BCAP29: variants seen among roughly 807,000 people sequenced by gnomAD.
BCAP29 encodes the protein B-cell receptor-associated protein 29.
BCAP29 carries 34 observed loss-of-function variants against 31.8 expected under a neutral mutation model. The observed-to-expected ratio is 1.07, with a 90% CI of 0.81 to 1.42. BCAP29 has a LOEUF of 1.42. Among genes scored for constraint, BCAP29 ranks in the 40% most tolerant of loss-of-function variants. The pLI, the probability that BCAP29 is intolerant of heterozygous loss-of-function variation, is 0.00. For missense variants in BCAP29, 314 were observed against 269.2 expected (o/e 1.17, Z -1.16); for synonymous variants, 104 against 91.3 (o/e 1.14, Z -0.79).
At chr7:107,605,995 A>C (rs574702656) in intron 6 of BCAP29, among the ~76,000 whole-genome samples, 1 of 152,218 alleles carries the variant, frequency 6.6e-6, no homozygotes, top group Non-Finnish European at 1.5e-5. Flanking sequence ...TCTTTTGCTT[A>C]ATGAAAAAGA....
At chr7:107,613,254 C>T (rs1396896756) in intron 6 of BCAP29, 78 bp from the exon 7 acceptor site, 13 of 1,025,902 alleles carry the variant, frequency 1.3e-5, no homozygotes, top group Non-Finnish European at 1.7e-5. Context: ...TACAGGAGTT[C>T]TCTATTTAAG....
At chr7:107,597,564 C>T (rs1467716068) in intron 5 of BCAP29, among the ~76,000 whole-genome samples, 1 of 152,164 alleles carries the variant, frequency 6.6e-6, no homozygotes, top group Non-Finnish European at 1.5e-5. Context: ...TGCTTCACAA[C>T]AAGGTTTTTA....
chr7:107,612,353 T>G (rs143802013), intron 6 of BCAP29, among the ~76,000 whole-genome samples: 23 of 146,182 alleles, frequency 1.6e-4, no homozygotes, highest in African/African-American at 5.3e-4. Flanking sequence ...CTCTTCTACA[T>G]ATTTTGCTCA....
In BCAP29 at chr7:107,594,043, G is replaced by A. The variant is rs894348431; in HGVS notation, c.282G>A (p.Gln94=). Residue 94 remains glutamine, a synonymous_variant, in exon 4 of 8, where the codon CAG becomes CAA. Transcript: ENST00000005259. ...GACCTGATGCCTATGAACACACACA[G>A]ATGAAACTTTTTAGGTCTCAAAGAA... is the stretch of plus-strand genomic sequence containing the variant. The part of the protein sequence containing the change: ...TSRPDAYEHT[Q]MKLFRSQRNL... 3 of 1,613,878 alleles carry A rather than the reference G, an allele frequency of 1.9e-6. No individual in the cohort carries two copies. Among genetic ancestry groups the A allele is most frequent in the Non-Finnish European group, 2.5e-6 (3 of 1,179,792 alleles).
Position 107,605,158 on chromosome 7 carries a change from G to T in BCAP29, c.589+4653G>T, listed in dbSNP as rs570152191. 3.3e-5 allele frequency among the ~76,000 whole-genome samples: 5 copies of T among 152,218 alleles called. No individual in the cohort carries two copies. In the South Asian group the frequency reaches 1.0e-3, roughly 32 times the overall value. ...TGTGAGCTTCTTATCTGTTATCAAG[G>T]CCTATACTCATAAACTATGTGTCTT... On this transcript the variant is annotated intron_variant, in intron 6 of 7. Coordinates refer to ENST00000005259, the MANE Select transcript of BCAP29 (RefSeq NM_018844.4).
At chr7:107,581,910 C>G (rs909164644) in intron 2 of BCAP29, among the ~76,000 whole-genome samples, 4 of 152,136 alleles carry the variant, frequency 2.6e-5, no homozygotes, top group Non-Finnish European at 5.9e-5. Flanking sequence ...CACCCATGTT[C>G]TATATATCAC....
intron 6 of BCAP29, among the ~76,000 whole-genome samples, chr7:107,604,313 T>G (rs1401151256): frequency 1.3e-5 from 2 of 152,164 alleles, no homozygotes; most frequent in African/African-American, 4.8e-5. Context: ...AGGGACCAGA[T>G]AGTGAAAAAT....
At chr7:107,608,689 A>C (rs1812603855) in intron 6 of BCAP29, among the ~76,000 whole-genome samples, 1 of 152,206 alleles carries the variant, frequency 6.6e-6, no homozygotes, top group African/African-American at 2.4e-5. Flanking sequence ...TTTCATCAAA[A>C]TATTTCAAGA....
In BCAP29 at chr7:107,600,344, G is replaced by A. The variant is rs562298815; in HGVS notation, c.481-53G>A. The A allele has an allele frequency of 3.8e-6, 4 of 1,046,120 alleles. No homozygotes were observed. The East Asian group carries it at 7.1e-5, about 19-fold the overall frequency. The allele number at this position is 1,046,120 out of a possible 1,614,324, so 64.8% of individuals were successfully genotyped here. On this transcript the variant is annotated intron_variant, in intron 5 of 7. Coordinates refer to ENST00000005259, the MANE Select transcript of BCAP29 (RefSeq NM_018844.4). ...TACTCAGCTTATTTTCTGTAAGAATGTCTGGCTATTGCAATCTAAGCTTAT... is the reference window on the plus strand; with the variant it reads ...TACTCAGCTTATTTTCTGTAAGAATATCTGGCTATTGCAATCTAAGCTTAT...
At chr7:107,594,424 G>C (rs1007704653) in intron 4 of BCAP29, among the ~76,000 whole-genome samples, 2 of 151,050 alleles carry the variant, frequency 1.3e-5, no homozygotes, top group African/African-American at 4.9e-5. Flanking sequence ...CTGGCCTCAA[G>C]TGATCCTCCC....
chr7:107,598,853 C>T (rs1810325469), intron 5 of BCAP29, among the ~76,000 whole-genome samples: 1 of 149,540 alleles, frequency 6.7e-6, no homozygotes, highest in Admixed American at 6.8e-5. Context: ...GAGAAGATTG[C>T]TTGAGGCCAG....
intron 3 of BCAP29, among the ~76,000 whole-genome samples, chr7:107,590,349 C>G (rs1346882073): frequency 6.6e-6 from 1 of 152,078 alleles, no homozygotes. Flanking sequence ...ACTTAAATAT[C>G]AAAGTCTTCC....
At chr7:107,609,223 C>G (rs1812692764) in intron 6 of BCAP29, among the ~76,000 whole-genome samples, 1 of 152,150 alleles carries the variant, frequency 6.6e-6, no homozygotes, top group Admixed American at 6.5e-5. Flanking sequence ...CTCAAGGCAA[C>G]TGGAGTGTAA....
chr7:107,588,858 G>A (rs893005467), intron 3 of BCAP29, among the ~76,000 whole-genome samples: 13 of 152,252 alleles, frequency 8.5e-5, no homozygotes, highest in Middle Eastern at 3.4e-3. Context: ...GGATGTGTAG[G>A]AAAGATTCCA....
intron 1 of BCAP29, 28 bp from the exon 2 acceptor site, chr7:107,580,731 A>C: frequency 6.7e-7 from 1 of 1,497,928 alleles, no homozygotes. Context: ...GAAAGGAAGC[A>C]AGAGAAAATA....
chr7:107,610,398 A>C (rs529967013), intron 6 of BCAP29, among the ~76,000 whole-genome samples: 1 of 152,326 alleles, frequency 6.6e-6, no homozygotes, highest in East Asian at 1.9e-4. Flanking sequence ...GCTGTTTCCA[A>C]AATAATATGC....
chr7:107,597,544 T>C (rs1810085854), intron 5 of BCAP29, among the ~76,000 whole-genome samples: 2 of 152,218 alleles, frequency 1.3e-5, no homozygotes, highest in African/African-American at 4.8e-5. Context: ...GTGCCAGGTA[T>C]TGCTTCATAT....
intron 4 of BCAP29, among the ~76,000 whole-genome samples, chr7:107,594,565 G>C (rs1360786823): frequency 6.6e-6 from 1 of 151,934 alleles, no homozygotes; most frequent in Non-Finnish European, 1.5e-5. Flanking sequence ...GCAGTGGCGC[G>C]ATCTCGGCTC....
In BCAP29 at chr7:107,620,225, G is replaced by C. The variant is rs1217835290; in HGVS notation, c.*1862G>C. On this transcript the variant is annotated 3_prime_UTR_variant, in exon 8 of 8. Coordinates refer to ENST00000005259, the MANE Select transcript of BCAP29 (RefSeq NM_018844.4). The stretch of plus-strand genomic sequence containing the variant: ...ACATTGATAGTTAGATTCAGGGCCA[G>C]GCTGTAAGTCTAGAATTTAGATATC... The C allele has an allele frequency of 6.6e-6, 1 of 152,150 alleles. No homozygotes were observed. The highest frequency in any genetic ancestry group is 1.5e-5 in the Non-Finnish European group (1 of 68,038). 9.4% of individuals were successfully genotyped at this position (152,150 alleles called of 1,614,324 possible). A position where few individuals can be genotyped will look rare whatever the true frequency, so the allele number is the denominator to read the frequency against.
Sources: allele counts gnomAD v4.1 joint callset (sites outside exome capture counted in the v4.1 genomes callset), GRCh38; gene constraint gnomAD v4.1.1; transcripts MANE v1.5; gene names NCBI Gene and HGNC (gene_info 2026-07-23, HGNC 2026-07-21).